PLCB3: variants seen among roughly 807,000 people sequenced by gnomAD.
PLCB3 encodes 1-phosphatidylinositol 4,5-bisphosphate phosphodiesterase beta-3.
In PLCB3, 54 loss-of-function variants were observed where a neutral mutation model predicts 152.1. That is an observed-to-expected ratio of 0.36 (90% CI 0.29 to 0.45). PLCB3 has a LOEUF of 0.45. Among genes scored for constraint, PLCB3 ranks in the 20% least tolerant of loss-of-function variants. The probability of loss-of-function intolerance (pLI) is 1.00; values close to 1 mark genes in which losing one functional copy is unlikely to be tolerated. For synonymous variants in PLCB3, 717 were observed against 698.7 expected (o/e 1.03, Z -0.41); for missense variants, 1,248 against 1,687.5 (o/e 0.74, Z 4.56).
chr11:64,262,368 T>C (rs1256087441), intron 17 of PLCB3, 39 bp from the exon 18 acceptor site: 2 of 1,604,716 alleles, frequency 1.2e-6, no homozygotes, highest in Admixed American at 1.7e-5. Flanking sequence ...CCGTCCTGCC[T>C]GATCCCTGCC....
chr11:64,261,255 G>A, intron 14 of PLCB3, 145 bp from the exon 15 acceptor site: 1 of 682,630 alleles, frequency 1.5e-6, no homozygotes, highest in Non-Finnish European at 2.6e-6. Flanking sequence ...GCATCAGTGA[G>A]ACCCCGGGGA....
chr11:64,254,391 C>A, intron 1 of PLCB3, 24 bp from the exon 2 acceptor site: 1 of 1,602,884 alleles, frequency 6.2e-7, no homozygotes, highest in Admixed American at 1.7e-5. Context: ...CTTCCTGACC[C>A]CTGCTGCCCT....
In PLCB3 at chr11:64,267,821, G is replaced by C. The variant is rs918106976; in HGVS notation, c.*265G>C. 1 of 436,332 alleles carries C rather than the reference G, an allele frequency of 2.3e-6. No homozygotes were observed. Among genetic ancestry groups the C allele is most frequent in the African/African-American group, 2.1e-5 (1 of 48,610 alleles). The allele number at this position is 436,332 out of a possible 1,614,324, so 27.0% of individuals were successfully genotyped here. A position where few individuals can be genotyped will look rare whatever the true frequency, so the allele number is the denominator to read the frequency against. ...GCTAGCAGCGTCTCCTCCCTTCCCC[G>C]GGAGAGCTGGCTGGAGACTTGGAGC... On this transcript the variant is annotated 3_prime_UTR_variant, in exon 31 of 31. Coordinates refer to ENST00000279230, the MANE Select transcript of PLCB3 (RefSeq NM_000932.5). This position sits in a 1 kb window ranked among gnomAD's most constrained non-coding sequence, Gnocchi z 5.2.
At position 64,256,676 on chromosome 11, in the gene PLCB3, G is replaced by A; in HGVS notation, c.924G>A (p.Leu308=). ...RYLGGEENGI[L]PLEALDLSTD... ...TGGGAGGCGAGGAGAATGGCATCCT[G>A]CCCCTGGAAGCCCTGGATCTGAGCA... Residue 308 remains leucine (L), a synonymous_variant, in exon 10 of 31, where the codon CTG becomes CTA. Transcript: ENST00000279230. 4.3e-6 allele frequency: 7 copies of A among 1,614,242 alleles called. No homozygotes were observed. The highest frequency in any genetic ancestry group is 5.9e-6 in the Non-Finnish European group (7 of 1,180,036).
Position 64,254,940 on chromosome 11 carries a change from G to A in PLCB3, c.289G>A (p.Ala97Thr). The A allele has an allele frequency of 6.2e-7, 1 of 1,603,110 alleles. No individual in the cohort carries two copies. Among genetic ancestry groups the A allele is most frequent in the Non-Finnish European group, 8.5e-7 (1 of 1,173,464 alleles). The change falls in exon 4 of 31, where the codon GCC (alanine) becomes ACC (threonine). Residue 97 changes from alanine (A) to threonine (T), a missense_variant. Around this residue, in one of 6 missense-constraint regions of PLCB3, gnomAD observed 299 missense variants for 434.7 expected, o/e 0.69. Transcript: ENST00000279230. Reference sequence around the variant, plus strand: ...AGTTCTGGGCTTTGGGGGTCCCGATGCCCGGCTGGAGGAGAAGCTGATGAC... The same window carrying A: ...AGTTCTGGGCTTTGGGGGTCCCGATACCCGGCTGGAGGAGAAGCTGATGAC... ...REVLGFGGPD[A>T]RLEEKLMTVV...
rs2031444416 is a variant in PLCB3 at position 64,255,027 on chromosome 11, G to A, written c.376G>A (p.Asp126Asn). Residue 126 changes from aspartate (D) to asparagine (N), a missense_variant, in exon 4 of 31, where the codon GAC becomes AAC. This residue lies in a region of PLCB3 where 299 missense variants were observed against 434.7 expected (regional missense o/e 0.69). Coordinates refer to ENST00000279230, the MANE Select transcript of PLCB3 (RefSeq NM_000932.5). This position sits in a 1 kb window ranked among gnomAD's most constrained non-coding sequence, Gnocchi z 6.8. ...CTTGAACTTCATGGCCGTGCAGGAT[G>A]ACACAGCCAAGGTGGGCTGGCACCA... is the stretch of plus-strand genomic sequence containing the variant. ...VFLNFMAVQD[D>N]TAKVWSEELF... The A allele has an allele frequency of 6.4e-7, 1 of 1,569,096 alleles. No individual in the cohort carries two copies. The highest frequency in any genetic ancestry group is 1.2e-5 in the South Asian group (1 of 83,924).
intron 21 of PLCB3, 94 bp downstream of exon 21, chr11:64,263,889 G>A (rs527649343): frequency 7.3e-5 from 88 of 1,205,664 alleles, no homozygotes; most frequent in African/African-American, 6.3e-4. Context: ...GGATGGCCCC[G>A]ACTGAGTAGG....
chr11:64,257,096 C>G (rs61431997), intron 10 of PLCB3, among the ~76,000 whole-genome samples: 8,389 of 150,088 alleles, frequency 0.056, 653 homozygotes, highest in African/African-American at 0.17. Context: ...CCTCTGCCTC[C>G]CAGGTTCAAG....
rs770811617 is a variant in PLCB3 at position 64,266,159 on chromosome 11, G to A, written c.3223G>A (p.Ala1075Thr). 8 of 1,614,106 alleles carry A rather than the reference G, an allele frequency of 5.0e-6. No homozygotes were observed. Among genetic ancestry groups the A allele is most frequent in the South Asian group, 2.2e-5 (2 of 91,082 alleles). Residue 1075 changes from alanine to threonine, a missense_variant, in exon 27 of 31, where the codon GCA (alanine) becomes ACA (threonine). By Grantham distance (58) the Ala-to-Thr change is moderately conservative. This residue lies in a region of PLCB3 where 477 missense variants were observed against 489.6 expected (regional missense o/e 0.97). Transcript: ENST00000279230. The surrounding 1 kb of genome is among the most constrained non-coding windows in gnomAD (Gnocchi z 4.9). ...LQRLREVVLD[A>T]NTTQFKRLKE... ...GCGGCTCAGGGAGGTCGTCCTTGAT[G>A]CAAACACAACTCAGTTCAAGAGGCT...
chr11:64,265,281 C>A lies in PLCB3; in HGVS notation c.2843-29C>A, dbSNP rs373094640. ...GGCTGCCTTGCAGGTTCCCCCACCC[C>A]CCGCCCACCTTTGCTCTGCCGCTCC... is the stretch of plus-strand genomic sequence containing the variant. On this transcript the variant is annotated intron_variant, in intron 24 of 30. Coordinates refer to ENST00000279230, the MANE Select transcript of PLCB3 (RefSeq NM_000932.5). 9 of 1,537,878 alleles carry A rather than the reference C, an allele frequency of 5.9e-6. No individual in the cohort carries two copies. The African/African-American group carries it at 8.2e-5, about 14-fold the overall frequency.
chr11:64,257,081 C>T lies in PLCB3; in HGVS notation c.1012+317C>T, dbSNP rs1027452061. Among the ~76,000 whole-genome samples, 13 of 145,214 alleles carry T rather than the reference C, an allele frequency of 9.0e-5. No individual in the cohort carries two copies. In the South Asian group the frequency reaches 1.8e-3, roughly 20 times the overall value. On this transcript the variant is annotated intron_variant, in intron 10 of 30. Coordinates refer to ENST00000279230, the MANE Select transcript of PLCB3 (RefSeq NM_000932.5). ...GTGCAATGGCACGATCTAGGCTCAGCGCAACCTCTGCCTCCCAGGTTCAAG... is the reference window on the plus strand; with the variant it reads ...GTGCAATGGCACGATCTAGGCTCAGTGCAACCTCTGCCTCCCAGGTTCAAG...
intron 14 of PLCB3, among the ~76,000 whole-genome samples, chr11:64,260,772 C>CAAAAAAAA (rs10689916): frequency 8.4e-5 from 6 of 71,542 alleles, no homozygotes; most frequent in Admixed American, 3.6e-4. Context: ...GACACTATCT[C>CAAAAAAAA]AAAAAAAAAA....
In PLCB3 at chr11:64,265,435, C is replaced by G; in HGVS notation, c.2968C>G (p.Arg990Gly). The G allele has an allele frequency of 1.2e-6, 2 of 1,611,150 alleles. No homozygotes were observed. The highest frequency in any genetic ancestry group is 1.7e-6 in the Non-Finnish European group (2 of 1,179,872). ...TCAGCGGAAGGCAGTCACCCTCACC[C>G]GCCGCCTGCTGGATGGCCTGGCTCA... ...KHQRKAVTLT[R>G]RLLDGLAQAQ... The change falls in exon 25 of 31, where the codon CGC becomes GGC. Residue 990 changes from arginine (R) to glycine (G), a missense_variant. By Grantham distance (125) the Arg-to-Gly change is moderately radical. This residue lies in a region of PLCB3 where 477 missense variants were observed against 489.6 expected (regional missense o/e 0.97). Coordinates refer to ENST00000279230, the MANE Select transcript of PLCB3 (RefSeq NM_000932.5).
chr11:64,258,394 GTCCTGGTTCCAGGTGGGGCCGGGGT>G lies in PLCB3; in HGVS notation c.1013-78_1013-54del. Reference sequence around the variant, plus strand: ...GGAGAGCCCTCTGCAAATCCAGCATGTCCTGGTTCCAGGTGGGGCCGGGGTGGTGAGGAGCTGGGCTGGTGGGCGG... The same window carrying G: ...GGAGAGCCCTCTGCAAATCCAGCATGGGTGAGGAGCTGGGCTGGTGGGCGG... On this transcript the variant is annotated intron_variant, in intron 10 of 30. Coordinates refer to ENST00000279230, the MANE Select transcript of PLCB3 (RefSeq NM_000932.5). This position sits in a 1 kb window ranked among gnomAD's most constrained non-coding sequence, Gnocchi z 7.2. The G allele has an allele frequency of 6.6e-7, 1 of 1,518,958 alleles. No homozygotes were observed. The highest frequency in any genetic ancestry group is 8.9e-7 in the Non-Finnish European group (1 of 1,125,536). 94.1% of individuals were successfully genotyped at this position (1,518,958 alleles called of 1,614,324 possible). A position where few individuals can be genotyped will look rare whatever the true frequency, so the allele number is the denominator to read the frequency against.
Position 64,262,796 on chromosome 11 carries a change from C to G in PLCB3, c.2343C>G (p.Phe781Leu). The G allele has an allele frequency of 6.2e-7, 1 of 1,613,428 alleles. No individual in the cohort carries two copies. Among genetic ancestry groups the G allele is most frequent in the Non-Finnish European group, 8.5e-7 (1 of 1,179,916 alleles). The stretch of plus-strand genomic sequence containing the variant: ...ACCCCGTGTGGGACGAAGAGCCCTT[C>G]GACTTCCCCAAGGTGAGCCTGGCCC... ...SFNPVWDEEPFDFPKVVLPTL... is the reference protein window; with the variant it reads ...SFNPVWDEEPLDFPKVVLPTL... Residue 781 changes from phenylalanine (F) to leucine (L), a missense_variant, in exon 19 of 31, where the codon TTC (phenylalanine) becomes TTG (leucine). Transcript: ENST00000279230.
chr11:64,267,628 CTTTTTTT>C lies in PLCB3; in HGVS notation c.*83_*89del, dbSNP rs570819056. On this transcript the variant is annotated 3_prime_UTR_variant, in exon 31 of 31. Coordinates refer to ENST00000279230, the MANE Select transcript of PLCB3 (RefSeq NM_000932.5). The surrounding 1 kb of genome is among the most constrained non-coding windows in gnomAD (Gnocchi z 5.2). ...AGGGCAGGAGGCAATGACACTAATG[CTTTTTTT>C]TTTTTTTTTTAACTTTTTATCTAGA... 5.2e-6 allele frequency: 4 copies of C among 773,122 alleles called. No individual in the cohort carries two copies. In the African/African-American group the frequency reaches 5.8e-5, roughly 11 times the overall value. The allele number at this position is 773,122 out of a possible 1,614,324, so 47.9% of individuals were successfully genotyped here.
chr11:64,257,952 G>A (rs1162879379), intron 10 of PLCB3, among the ~76,000 whole-genome samples: 3 of 152,002 alleles, frequency 2.0e-5, no homozygotes, highest in Non-Finnish European at 4.4e-5. Context: ...TCAGGAGTTC[G>A]AGACCAGCCT....
chr11:64,255,218 T>C lies in PLCB3; in HGVS notation c.388-16T>C. ...GTCCCCCACTCACCGCCTCCCCGTG[T>C]ATACTGGCCCCCCAGGTCTGGTCTG... On this transcript the variant is annotated splice_polypyrimidine_tract_variant and intron_variant, in intron 4 of 30. Coordinates refer to ENST00000279230, the MANE Select transcript of PLCB3 (RefSeq NM_000932.5). The surrounding 1 kb of genome is among the most constrained non-coding windows in gnomAD (Gnocchi z 6.8). 6.2e-7 allele frequency: 1 copy of C among 1,607,386 alleles called. No individual in the cohort carries two copies. Among genetic ancestry groups the C allele is most frequent in the Non-Finnish European group, 8.5e-7 (1 of 1,174,608 alleles).
At position 64,266,641 on chromosome 11, in the gene PLCB3, C is replaced by T. The variant is rs2855389; in HGVS notation, c.3414+89C>T. 4 of 1,300,974 alleles carry T rather than the reference C, an allele frequency of 3.1e-6. No homozygotes were observed. The highest frequency in any genetic ancestry group is 4.4e-6 in the Non-Finnish European group (4 of 899,542). 80.6% of individuals were successfully genotyped at this position (1,300,974 alleles called of 1,614,324 possible). On this transcript the variant is annotated intron_variant, in intron 29 of 30. Coordinates refer to ENST00000279230, the MANE Select transcript of PLCB3 (RefSeq NM_000932.5). The surrounding 1 kb of genome is among the most constrained non-coding windows in gnomAD (Gnocchi z 4.9). ...CCATGCCTGGCCTGGTGCCACGTTGCCCTCAAGGTTCTTCTAGGGCCTTTC... is the reference window on the plus strand; with the variant it reads ...CCATGCCTGGCCTGGTGCCACGTTGTCCTCAAGGTTCTTCTAGGGCCTTTC...
Sources: allele counts gnomAD v4.1 joint callset (sites outside exome capture counted in the v4.1 genomes callset), GRCh38; gene constraint gnomAD v4.1.1; regional missense constraint gnomAD v4.1.1; non-coding constraint Gnocchi (gnomAD v3.1); transcripts MANE v1.5; gene names NCBI Gene and HGNC (gene_info 2026-07-23, HGNC 2026-07-21).